FIGN: variants seen among roughly 807,000 people sequenced by gnomAD.
The protein encoded by FIGN is fidgetin.
FIGN carries 11 observed loss-of-function variants against 51.3 expected under a neutral mutation model. That is an observed-to-expected ratio of 0.21 (90% confidence interval 0.13 to 0.35). FIGN has a LOEUF of 0.35. Ranked by LOEUF, FIGN falls within the 10% of genes least tolerant of loss-of-function variation. The pLI, the probability that FIGN is intolerant of heterozygous loss-of-function variation, is 1.00. For missense variants in FIGN, 857 were observed against 943.6 expected (o/e 0.91, Z 1.20); for synonymous variants, 407 against 363.2 (o/e 1.12, Z -1.37).
Position 163,735,020 on chromosome 2 carries a change from A to G in FIGN, c.-93T>C, listed in dbSNP as rs1684993159. ...ATTAAAGCCACTTTTCCTCTCAGCT[A>G]TCAAATGTCACTGCCTTGAAACGTG... On this transcript the variant is annotated 5_prime_UTR_variant, in exon 2 of 3. Transcript: ENST00000333129. The G allele has an allele frequency of 1.5e-6, 2 of 1,337,548 alleles. No homozygotes were observed. The highest frequency in any genetic ancestry group is 1.5e-5 in the African/African-American group (1 of 68,756). 82.9% of individuals were successfully genotyped at this position (1,337,548 alleles called of 1,614,324 possible). A position where few individuals can be genotyped will look rare whatever the true frequency, so the allele number is the denominator to read the frequency against.
intron 2 of FIGN, among the ~76,000 whole-genome samples, chr2:163,635,098 C>T (rs1454298630): frequency 1.3e-5 from 2 of 152,136 alleles, no homozygotes; most frequent in South Asian, 4.1e-4. Flanking sequence ...TTAATACCTA[C>T]TATGTGTATG....
intron 2 of FIGN, among the ~76,000 whole-genome samples, chr2:163,697,004 C>T (rs927700465): frequency 5.3e-5 from 8 of 151,428 alleles, no homozygotes; most frequent in African/African-American, 1.9e-4. Context: ...GATATAGATA[C>T]AGAGGATTAA....
At chr2:163,725,260 A>T (rs913342569) in intron 2 of FIGN, among the ~76,000 whole-genome samples, 2 of 152,124 alleles carry the variant, frequency 1.3e-5, no homozygotes, top group Admixed American at 6.6e-5. Flanking sequence ...AAAATTTTTT[A>T]AAAAGAAAGA....
intron 2 of FIGN, among the ~76,000 whole-genome samples, chr2:163,717,453 T>C (rs1426540287): frequency 2.0e-5 from 3 of 152,146 alleles, no homozygotes; most frequent in Non-Finnish European, 2.9e-5. Flanking sequence ...TTTTTCTTTT[T>C]CTGATGTGGG....
chr2:163,617,306 A>T (rs1242458861), intron 2 of FIGN: 1 of 876,254 alleles, frequency 1.1e-6, no homozygotes, highest in Non-Finnish European at 1.4e-6. Flanking sequence ...AATGTAACAG[A>T]GGGGCTGTCA....
chr2:163,735,049 C>T lies in FIGN; in HGVS notation c.-122G>A, dbSNP rs1214055595. The T allele has an allele frequency of 2.1e-6, 2 of 933,874 alleles. No individual in the cohort carries two copies. Among genetic ancestry groups the T allele is most frequent in the African/African-American group, 1.7e-5 (1 of 59,460 alleles). 57.8% of individuals were successfully genotyped at this position (933,874 alleles called of 1,614,324 possible). A position where few individuals can be genotyped will look rare whatever the true frequency, so the allele number is the denominator to read the frequency against. ...AATGTCACTGCCTTGAAACGTGGGC[C>T]CTTTCGTCAGGTATTCATTTAACCT... On this transcript the variant is annotated 5_prime_UTR_variant, in exon 2 of 3. Coordinates refer to ENST00000333129, the MANE Select transcript of FIGN (RefSeq NM_018086.4).
chr2:163,656,473 C>T (rs372103604), intron 2 of FIGN, among the ~76,000 whole-genome samples: 2 of 152,050 alleles, frequency 1.3e-5, no homozygotes, highest in African/African-American at 4.8e-5. Context: ...GGAACTAATT[C>T]GGCTCCTTTG....
chr2:163,619,448 C>T (rs562336014), intron 2 of FIGN, among the ~76,000 whole-genome samples: 1 of 152,178 alleles, frequency 6.6e-6, no homozygotes, highest in East Asian at 1.9e-4. Context: ...TTAAACTAAA[C>T]TTGTAGGTAG....
intron 2 of FIGN, among the ~76,000 whole-genome samples, chr2:163,675,783 T>C (rs1683951920): frequency 6.8e-6 from 1 of 146,358 alleles, no homozygotes; most frequent in Admixed American, 6.9e-5. Flanking sequence ...TGCACTTTTA[T>C]GTGGGAGGAC....
At position 163,606,100 on chromosome 2, in the gene FIGN, C is replaced by T. The variant is rs1691105504; in HGVS notation, c.*3452G>A. On this transcript the variant is annotated 3_prime_UTR_variant, in exon 3 of 3. Transcript: ENST00000333129. ...TCAAATGCACAAGAAAACATTATAC[C>T]CGTCTATCTGCATTTGAGTAGAATA... 1 of 151,908 alleles carries T rather than the reference C, an allele frequency of 6.6e-6. No individual in the cohort carries two copies. Among genetic ancestry groups the T allele is most frequent in the South Asian group, 2.1e-4 (1 of 4,818 alleles). 9.4% of individuals were successfully genotyped at this position (151,908 alleles called of 1,614,324 possible).
At chr2:163,698,462 G>A (rs1296215713) in intron 2 of FIGN, among the ~76,000 whole-genome samples, 1 of 151,890 alleles carries the variant, frequency 6.6e-6, no homozygotes, top group African/African-American at 2.4e-5. Context: ...AGACAGGGAG[G>A]CCCTGAAGCT....
intron 2 of FIGN, among the ~76,000 whole-genome samples, chr2:163,614,299 T>C (rs988903485): frequency 6.6e-6 from 1 of 152,284 alleles, no homozygotes; most frequent in African/African-American, 2.4e-5. Context: ...TCAGGAATCA[T>C]ACTTTCATTA....
At chr2:163,655,667 T>C (rs1014711294) in intron 2 of FIGN, among the ~76,000 whole-genome samples, 10 of 152,252 alleles carry the variant, frequency 6.6e-5, no homozygotes, top group African/African-American at 2.4e-4. Context: ...GCTGATGCTA[T>C]CTCTCTCCCA....
chr2:163,626,035 C>T (rs1361420828), intron 2 of FIGN, among the ~76,000 whole-genome samples: 1 of 152,104 alleles, frequency 6.6e-6, no homozygotes, highest in East Asian at 1.9e-4. Context: ...CTTCTAACCT[C>T]ACAAGCTTCA....
At position 163,611,723 on chromosome 2, in the gene FIGN, G is replaced by A; in HGVS notation, c.109C>T (p.His37Tyr). The A allele has an allele frequency of 6.2e-7, 1 of 1,614,148 alleles. No homozygotes were observed. The highest frequency in any genetic ancestry group is 8.5e-7 in the Non-Finnish European group (1 of 1,180,000). The change falls in exon 3 of 3, where the codon CAC (histidine) becomes TAC (tyrosine). Residue 37 changes from histidine to tyrosine, a missense_variant. Physicochemically the swap from His to Tyr is moderately conservative, Grantham distance 83. Coordinates refer to ENST00000333129, the MANE Select transcript of FIGN (RefSeq NM_018086.4). ...TGACCTCTGTAGGCTTCAACTTTGTGGGCAGGAGACCGAGTGGTTGAGGTG... is the reference window on the plus strand; with the variant it reads ...TGACCTCTGTAGGCTTCAACTTTGTAGGCAGGAGACCGAGTGGTTGAGGTG... ...DITSTTRSPAHKVEAYRGHLQ... is the reference protein window; with the variant it reads ...DITSTTRSPAYKVEAYRGHLQ...
At chr2:163,642,446 C>T (rs545643498) in intron 2 of FIGN, among the ~76,000 whole-genome samples, 1 of 152,308 alleles carries the variant, frequency 6.6e-6, no homozygotes, top group East Asian at 1.9e-4. Flanking sequence ...GTTACCTTAG[C>T]TTACCCTTAG....
At chr2:163,612,353 T>C (rs1691283695) in intron 2 of FIGN, 1 of 985,404 alleles carries the variant, frequency 1.0e-6, no homozygotes. Context: ...ACTGAACACC[T>C]AGTTAGCACA....
chr2:163,704,125 T>C (rs767842055), intron 2 of FIGN, among the ~76,000 whole-genome samples: 65 of 152,122 alleles, frequency 4.3e-4, no homozygotes, highest in Non-Finnish European at 7.2e-4. Context: ...TTTAAAGCTT[T>C]ACACAAAGAG....
chr2:163,691,743 C>G (rs116521990), intron 2 of FIGN, among the ~76,000 whole-genome samples: 177 of 151,812 alleles, frequency 1.2e-3, no homozygotes, highest in African/African-American at 4.1e-3. Flanking sequence ...GGAATTGAGG[C>G]AAAAATTAAC....
Sources: allele counts gnomAD v4.1 joint callset (sites outside exome capture counted in the v4.1 genomes callset), GRCh38; gene constraint gnomAD v4.1.1; transcripts MANE v1.5; gene names NCBI Gene and HGNC (gene_info 2026-07-23, HGNC 2026-07-21).